C1GALT1: variants seen among roughly 807,000 people sequenced by gnomAD.
The protein encoded by C1GALT1 is glycoprotein-N-acetylgalactosamine 3-beta-galactosyltransferase 1.
C1GALT1 carries 11 observed loss-of-function variants against 31.0 expected under a neutral mutation model. That is an observed-to-expected ratio of 0.36 (90% confidence interval 0.22 to 0.59). C1GALT1 has a LOEUF of 0.59. Among genes scored for constraint, C1GALT1 ranks in the 20% least tolerant of loss-of-function variants. The pLI is 0.79. For missense variants in C1GALT1, 424 were observed against 425.2 expected, an observed-to-expected ratio of 1.00 and a Z score of 0.03; for synonymous variants, 175 against 143.6, an observed-to-expected ratio of 1.22 and a Z score of -1.56.
chr7:7,244,308 C>T lies in C1GALT1; in HGVS notation c.*581C>T, dbSNP rs1783759565. 6.6e-6 allele frequency: 1 copy of T among 152,090 alleles called. No homozygotes were observed. The highest frequency in any genetic ancestry group is 1.5e-5 in the Non-Finnish European group (1 of 67,982). The allele number at this position is 152,090 out of a possible 1,614,324, so 9.4% of individuals were successfully genotyped here. A position where few individuals can be genotyped will look rare whatever the true frequency, so the allele number is the denominator to read the frequency against. On this transcript the variant is annotated 3_prime_UTR_variant, in exon 4 of 4. Coordinates refer to ENST00000436587, the MANE Select transcript of C1GALT1 (RefSeq NM_020156.5). ...CCAGAAGAAGCTAAAATAAGACTGGCACTTACCCTGAAGTGCATTAATAAA... is the reference window on the plus strand; with the variant it reads ...CCAGAAGAAGCTAAAATAAGACTGGTACTTACCCTGAAGTGCATTAATAAA...
chr7:7,216,516 C>T (rs546661389), intron 1 of C1GALT1, among the ~76,000 whole-genome samples: 2 of 115,912 alleles, frequency 1.7e-5, no homozygotes, highest in South Asian at 5.3e-4. Flanking sequence ...AAAAAAACAT[C>T]TGGAGAGGCT....
chr7:7,240,146 C>T (rs1180751101), intron 3 of C1GALT1, among the ~76,000 whole-genome samples: 2 of 152,274 alleles, frequency 1.3e-5, no homozygotes, highest in African/African-American at 4.8e-5. Flanking sequence ...GGCAATTTTG[C>T]CCCCAGAGGA....
chr7:7,212,618 A>G (rs7786560), intron 1 of C1GALT1, among the ~76,000 whole-genome samples: 2 of 151,908 alleles, frequency 1.3e-5, no homozygotes, highest in African/African-American at 2.4e-5. Context: ...GGGCTGAGTC[A>G]GAGAAAGGAG....
chr7:7,241,620 T>C (rs1349383368), intron 3 of C1GALT1, among the ~76,000 whole-genome samples: 2 of 152,024 alleles, frequency 1.3e-5, no homozygotes. Flanking sequence ...TATGCAATAT[T>C]TTTGTTACTG....
intron 2 of C1GALT1, among the ~76,000 whole-genome samples, chr7:7,158,578 TTTTATATA>T (rs1780299543): frequency 6.6e-6 from 1 of 150,620 alleles, no homozygotes; most frequent in Non-Finnish European, 1.5e-5. Flanking sequence ...ACACATACAT[TTTTATATA>T]TTTATATATT....
At chr7:7,161,135 T>C (rs888771766) in intron 2 of C1GALT1, among the ~76,000 whole-genome samples, 14 of 152,108 alleles carry the variant, frequency 9.2e-5, no homozygotes, top group African/African-American at 3.4e-4. Context: ...ACTGAATAGT[T>C]TGCAAGTAAA....
chr7:7,187,796 C>T (rs4263662), intron 1 of C1GALT1, among the ~76,000 whole-genome samples: 41,683 of 152,098 alleles, frequency 0.27, 6,222 homozygotes, highest in East Asian at 0.42. Context: ...TAACTGTAGA[C>T]AGTTCAGGAT....
intron 2 of C1GALT1, chr7:7,234,843 C>G (rs1783261384): frequency 5.2e-6 from 1 of 190,716 alleles, no homozygotes; most frequent in South Asian, 1.5e-4. Context: ...ATATGTGTGT[C>G]TTTGGTTTTT....
intron 1 of C1GALT1, among the ~76,000 whole-genome samples, chr7:7,188,894 A>G (rs545786697): frequency 5.1e-4 from 78 of 152,324 alleles, no homozygotes; most frequent in African/African-American, 1.5e-3. Flanking sequence ...AGCTGAACAT[A>G]CATATGTGAT....
chr7:7,192,089 A>G (rs188315032), intron 1 of C1GALT1, among the ~76,000 whole-genome samples: 114 of 152,058 alleles, frequency 7.5e-4, no homozygotes, highest in African/African-American at 2.7e-3. Flanking sequence ...TAAGAATTTT[A>G]TAGTTTTAGG....
chr7:7,178,144 G>A (rs551942721), upstream of C1GALT1: 28 of 202,012 alleles, frequency 1.4e-4, no homozygotes, highest in Admixed American at 1.3e-3. Flanking sequence ...TGCAACAGAG[G>A]GCTTTGAGAG....
chr7:7,183,108 T>G (rs1354059436), intron 1 of C1GALT1, among the ~76,000 whole-genome samples: 1 of 152,058 alleles, frequency 6.6e-6, no homozygotes. Flanking sequence ...CCTTCCCTTG[T>G]GCCCGCTCGC....
intron 1 of C1GALT1, among the ~76,000 whole-genome samples, chr7:7,223,851 A>T (rs1413441846): frequency 6.6e-6 from 1 of 152,166 alleles, no homozygotes; most frequent in Non-Finnish European, 1.5e-5. Context: ...TCATGATCTT[A>T]ACGTGAAAAC....
chr7:7,162,562 G>A, intron 2 of C1GALT1, among the ~76,000 whole-genome samples: 1 of 151,786 alleles, frequency 6.6e-6, no homozygotes, highest in Non-Finnish European at 1.5e-5. Context: ...TGTGAATAGT[G>A]CCACAATAAA....
At chr7:7,197,334 C>T (rs1013971864) in intron 1 of C1GALT1, among the ~76,000 whole-genome samples, 2 of 152,118 alleles carry the variant, frequency 1.3e-5, no homozygotes, top group African/African-American at 4.8e-5. Flanking sequence ...TCGGGTTTGT[C>T]AAAGATCAGA....
chr7:7,199,095 C>G (rs1480893525), intron 1 of C1GALT1, among the ~76,000 whole-genome samples: 1 of 152,106 alleles, frequency 6.6e-6, no homozygotes, highest in African/African-American at 2.4e-5. Flanking sequence ...AATGTGTTTG[C>G]TCTTGCTTCT....
At chr7:7,194,149 A>G (rs1781187809) in intron 1 of C1GALT1, among the ~76,000 whole-genome samples, 2 of 152,024 alleles carry the variant, frequency 1.3e-5, no homozygotes, top group African/African-American at 4.8e-5. Context: ...CTCTTTACTG[A>G]TTTGATGCCC....
At chr7:7,216,343 C>T (rs988754358) in intron 1 of C1GALT1, among the ~76,000 whole-genome samples, 3 of 152,104 alleles carry the variant, frequency 2.0e-5, no homozygotes, top group African/African-American at 7.2e-5. Context: ...AAATGTGCTC[C>T]CCCATGGTTG....
chr7:7,182,845 G>T (rs1189073440), intron 1 of C1GALT1, 25 bp downstream of exon 1: 1 of 985,444 alleles, frequency 1.0e-6, no homozygotes, highest in African/African-American at 1.7e-5. Context: ...GGCGCCCTCA[G>T]GCTACGGGTC....
Sources: gnomAD v4.1 joint callset for allele counts (sites outside exome capture counted in the v4.1 genomes callset) on GRCh38, gnomAD v4.1.1 for gene constraint, MANE v1.5 for transcripts, NCBI Gene and HGNC (gene_info 2026-07-23, HGNC 2026-07-21) for gene names.